The following KIRREL3 variants were observed in gnomAD, a reference collection of about 807,000 sequenced individuals.
KIRREL3 encodes kin of IRRE-like protein 3.
In KIRREL3, 36 loss-of-function variants were observed where a neutral mutation model predicts 89.7. The ratio of observed to expected loss-of-function variants is 0.40; its 90% CI spans 0.31 to 0.53. The LOEUF (loss-of-function observed/expected upper bound fraction) is 0.53. Ranked by LOEUF, KIRREL3 falls within the 20% of genes least tolerant of loss-of-function variation. The probability of loss-of-function intolerance (pLI) is 0.49; values close to 1 mark genes in which losing one functional copy is unlikely to be tolerated. For missense variants in KIRREL3, 864 were observed against 1,056.6 expected (o/e 0.82, Z 2.53); for synonymous variants, 445 against 441.4 (o/e 1.01, Z -0.10).
intron 2 of KIRREL3, chr11:126,549,868 G>C (rs1054929081): frequency 2.0e-5 from 3 of 152,204 alleles, no homozygotes; most frequent in African/African-American, 7.2e-5. Flanking sequence ...GCCTCGGCAG[G>C]CTGCAAGTTT....
At chr11:126,914,975 AG>A (rs1327258109) in intron 1 of KIRREL3, among the ~76,000 whole-genome samples, 1 of 152,240 alleles carries the variant, frequency 6.6e-6, no homozygotes, top group Non-Finnish European at 1.5e-5. Flanking sequence ...GATGATGTCA[AG>A]TGGACACCCC....
Position 126,623,627 on chromosome 11 carries a change from C to T in KIRREL3, c.56-60715G>A, listed in dbSNP as rs539578588. ...AACAGCTGATGGGCCAGCAAGGATG[C>T]GGGGAGGATACCTGTGGTCAGGACC... On this transcript the variant is annotated intron_variant, in intron 1 of 16. Transcript: ENST00000525144. This position sits in a 1 kb window ranked among gnomAD's most constrained non-coding sequence, Gnocchi z 4.1. Among the ~76,000 whole-genome samples the T allele has an allele frequency of 6.6e-5, 10 of 151,924 alleles. No individual in the cohort carries two copies. The highest frequency in any genetic ancestry group is 1.2e-4 in the Non-Finnish European group (8 of 67,986).
intron 1 of KIRREL3, among the ~76,000 whole-genome samples, chr11:126,810,237 A>G (rs1018378231): frequency 1.3e-5 from 2 of 152,188 alleles, no homozygotes; most frequent in African/African-American, 4.8e-5. Context: ...TTGACAATCT[A>G]ACAATACAAA....
rs748802604 is a variant in KIRREL3, at chr11:126,429,191, G to T, written c.1794C>A (p.Ile598=). The change falls in exon 15 of 17, where the codon ATC becomes ATA. Residue 598 remains isoleucine (I), a synonymous_variant. Transcript: ENST00000525144. This position sits in a 1 kb window ranked among gnomAD's most constrained non-coding sequence, Gnocchi z 5.2. ...ATTGCATTCTTACCATCAGCTGCTT[G>T]ATGGTGGAGTGCTCCTCACCCTCCC... The part of the protein sequence containing the change: ...SGREGEEHST[I]KQLMMDRGEF... 5.8e-5 allele frequency: 94 copies of T among 1,609,502 alleles called. No homozygotes were observed. The highest frequency in any genetic ancestry group is 7.8e-5 in the Non-Finnish European group (92 of 1,175,934).
chr11:127,001,599 C>A (rs1220732312), upstream of KIRREL3, among the ~76,000 whole-genome samples: 1 of 152,128 alleles, frequency 6.6e-6, no homozygotes, highest in East Asian at 1.9e-4. Context: ...AGGTCATAGA[C>A]AACTGCGTCC....
rs1243481281 is a variant in KIRREL3 at position 126,642,298 on chromosome 11, C to T, written c.56-79386G>A. Among the ~76,000 whole-genome samples, 1 of 152,214 alleles carries T rather than the reference C, an allele frequency of 6.6e-6. No individual in the cohort carries two copies. The highest frequency in any genetic ancestry group is 1.5e-5 in the Non-Finnish European group (1 of 68,034). On this transcript the variant is annotated intron_variant, in intron 1 of 16. Transcript: ENST00000525144. The surrounding 1 kb of genome is among the most constrained non-coding windows in gnomAD (Gnocchi z 4.9). ...CCCCATTTCTGAGACCAGCAAGAGG[C>T]TCTGTTTGCGCCAAGTCTCCCTGTA... is the stretch of plus-strand genomic sequence containing the variant.
At chr11:126,662,041 C>G (rs146588494) in intron 1 of KIRREL3, among the ~76,000 whole-genome samples, 1 of 152,090 alleles carries the variant, frequency 6.6e-6, no homozygotes, top group East Asian at 1.9e-4. Context: ...AGAGCCAAAA[C>G]GCCCATTGAG....
intron 1 of KIRREL3, among the ~76,000 whole-genome samples, chr11:126,942,608 T>C (rs1026315536): frequency 5.3e-5 from 8 of 152,328 alleles, no homozygotes; most frequent in South Asian, 4.2e-4. Context: ...GGAAAGCAAC[T>C]GCATTTGTCC....
chr11:126,728,400 T>A (rs561470546), intron 1 of KIRREL3, among the ~76,000 whole-genome samples: 8 of 152,230 alleles, frequency 5.3e-5, no homozygotes, highest in Admixed American at 5.2e-4. Context: ...CCTCCCACCG[T>A]GTTAAAGCAT....
Position 126,629,666 on chromosome 11 carries a change from A to G in KIRREL3, c.56-66754T>C, listed in dbSNP as rs1341866671. ...ATAGGCTTCAGATTGGGTCTGCCCA[A>G]TGAGGAGGCCTTGGCAGGACATGGG... is the stretch of plus-strand genomic sequence containing the variant. On this transcript the variant is annotated intron_variant, in intron 1 of 16. Transcript: ENST00000525144. Among the ~76,000 whole-genome samples the G allele has an allele frequency of 2.6e-5, 4 of 152,208 alleles. No homozygotes were observed. In the East Asian group the frequency reaches 7.7e-4, roughly 29 times the overall value.
rs1363615635 is a variant in KIRREL3, at chr11:126,989,376, G to T, written c.55+11079C>A. The stretch of plus-strand genomic sequence containing the variant: ...CAGCTCACCCTGATGCAGAGAGAGC[G>T]GCAAGGGACTCTGATGGTGAGTCAG... On this transcript the variant is annotated intron_variant, in intron 1 of 16. Transcript: ENST00000525144. The surrounding 1 kb of genome is among the most constrained non-coding windows in gnomAD (Gnocchi z 6.2). 6.6e-6 allele frequency among the ~76,000 whole-genome samples: 1 copy of T among 152,130 alleles called. No homozygotes were observed. The highest frequency in any genetic ancestry group is 1.5e-5 in the Non-Finnish European group (1 of 68,026).
At chr11:126,478,527 GTA>G (rs1565486840) in intron 4 of KIRREL3, among the ~76,000 whole-genome samples, 2 of 152,050 alleles carry the variant, frequency 1.3e-5, no homozygotes, top group Non-Finnish European at 2.9e-5. Flanking sequence ...ATGTGTGTGT[GTA>G]TATATGTGTG....
At chr11:126,633,160 T>C (rs1944117049) in intron 1 of KIRREL3, among the ~76,000 whole-genome samples, 1 of 152,188 alleles carries the variant, frequency 6.6e-6, no homozygotes, top group Admixed American at 6.5e-5. Context: ...TATGGTATGT[T>C]TGGCCATGCC....
rs1048677324 is a variant in KIRREL3 at position 126,697,213 on chromosome 11, T to A, written c.56-134301A>T. 4.6e-5 allele frequency among the ~76,000 whole-genome samples: 7 copies of A among 152,158 alleles called. No homozygotes were observed. The highest frequency in any genetic ancestry group is 1.7e-4 in the African/African-American group (7 of 41,432). On this transcript the variant is annotated intron_variant, in intron 1 of 16. Transcript: ENST00000525144. This position sits in a 1 kb window ranked among gnomAD's most constrained non-coding sequence, Gnocchi z 4.2. ...CAGCCCTCCTTAATTACAATTGTAA[T>A]TGTTTATGTGCTTGTTTATGCGGGA...
chr11:126,879,640 A>G lies in KIRREL3; in HGVS notation c.55+120815T>C, dbSNP rs1369594491. ...TTCTCTCACCTCCAAGCCACTTTCCATGTAGCCATGAGGCCTCTCAAAAGA... is the reference window on the plus strand; with the variant it reads ...TTCTCTCACCTCCAAGCCACTTTCCGTGTAGCCATGAGGCCTCTCAAAAGA... On this transcript the variant is annotated intron_variant, in intron 1 of 16. Coordinates refer to ENST00000525144, the MANE Select transcript of KIRREL3 (RefSeq NM_032531.4). The surrounding 1 kb of genome is among the most constrained non-coding windows in gnomAD (Gnocchi z 5.4). Among the ~76,000 whole-genome samples, 3 of 152,152 alleles carry G rather than the reference A, an allele frequency of 2.0e-5. No homozygotes were observed. Among genetic ancestry groups the G allele is most frequent in the African/African-American group, 4.8e-5 (2 of 41,436 alleles).
rs1484475294 is a variant in KIRREL3, at chr11:126,605,429, G to A, written c.56-42517C>T. ...TGAGGCTCAGGGGGAGGAGTCCTGC[G>A]GTGACTGCTGTGAAGTGGTGTGGGG... On this transcript the variant is annotated intron_variant, in intron 1 of 16. Transcript: ENST00000525144. The surrounding 1 kb of genome is among the most constrained non-coding windows in gnomAD (Gnocchi z 5.7). 6.6e-6 allele frequency among the ~76,000 whole-genome samples: 1 copy of A among 152,112 alleles called. No homozygotes were observed. The highest frequency in any genetic ancestry group is 1.5e-5 in the Non-Finnish European group (1 of 68,038).
rs115194311 is a variant in KIRREL3, at chr11:126,566,907, G to T, written c.56-3995C>A. Among the ~76,000 whole-genome samples the T allele has an allele frequency of 4.6e-5, 7 of 152,258 alleles. No individual in the cohort carries two copies. Among genetic ancestry groups the T allele is most frequent in the African/African-American group, 1.7e-4 (7 of 41,534 alleles). On this transcript the variant is annotated intron_variant, in intron 1 of 16. Transcript: ENST00000525144. This position sits in a 1 kb window ranked among gnomAD's most constrained non-coding sequence, Gnocchi z 4.9. ...TTTCATTTTGGTTTCACAAACTGAG[G>T]CTCAGAAGTAAAGTGACAATTTAAG... is the stretch of plus-strand genomic sequence containing the variant.
Position 126,872,700 on chromosome 11 carries a change from ATC to A in KIRREL3, c.55+127753_55+127754del, listed in dbSNP as rs1239919213. Among the ~76,000 whole-genome samples, 1 of 152,168 alleles carries A rather than the reference ATC, an allele frequency of 6.6e-6. No homozygotes were observed. Among genetic ancestry groups the A allele is most frequent in the Non-Finnish European group, 1.5e-5 (1 of 68,020 alleles). ...CCCACCCCATCCTGGGCTTGTTTTC[ATC>A]TTTGTCAGTGTGGGTACTTTCCTGC... On this transcript the variant is annotated intron_variant, in intron 1 of 16. Transcript: ENST00000525144. This position sits in a 1 kb window ranked among gnomAD's most constrained non-coding sequence, Gnocchi z 4.2.
intron 6 of KIRREL3, among the ~76,000 whole-genome samples, chr11:126,457,587 C>A (rs1354100618): frequency 1.3e-5 from 2 of 151,468 alleles, no homozygotes; most frequent in East Asian, 3.9e-4. Flanking sequence ...GAGACATGGG[C>A]AGAGAGACAG....
Sources: gnomAD v4.1 joint callset for allele counts (sites outside exome capture counted in the v4.1 genomes callset) on GRCh38, gnomAD v4.1.1 for gene constraint, Gnocchi (gnomAD v3.1) non-coding constraint, MANE v1.5 for transcripts, NCBI Gene and HGNC (gene_info 2026-07-23, HGNC 2026-07-21) for gene names.